Variants in CHD6 observed in about 807,000 individuals in gnomAD.
CHD6 encodes ATP-dependent chromatin remodeler CHD6.
A neutral mutation model predicts 276.9 loss-of-function variants in CHD6; 50 were observed. The observed-to-expected ratio is 0.18, with a 90% CI of 0.14 to 0.23. The LOEUF (loss-of-function observed/expected upper bound fraction) is 0.23. Ranked by LOEUF, CHD6 falls within the 10% of genes least tolerant of loss-of-function variation. The pLI, the probability that CHD6 is intolerant of heterozygous loss-of-function variation, is 1.00. For synonymous variants in CHD6, 1,173 were observed against 1,229.3 expected, an observed-to-expected ratio of 0.95 and a Z score of 0.96; for missense variants, 2,564 against 3,365.8, an observed-to-expected ratio of 0.76 and a Z score of 5.89.
intron 5 of CHD6, among the ~76,000 whole-genome samples, chr20:41,511,144 T>C (rs2044108287): frequency 6.6e-6 from 1 of 152,230 alleles, no homozygotes; most frequent in Non-Finnish European, 1.5e-5. Context: ...AGCGGAATTA[T>C]ATGAAAATGC....
chr20:41,430,948 C>T (rs187014997), intron 27 of CHD6, among the ~76,000 whole-genome samples: 306 of 151,494 alleles, frequency 2.0e-3, no homozygotes, highest in Non-Finnish European at 2.2e-3. Context: ...CAACCTCTGC[C>T]TCAGCCTCCT....
chr20:41,482,452 A>G (rs2043316486), intron 16 of CHD6: 3 of 411,910 alleles, frequency 7.3e-6, no homozygotes, highest in African/African-American at 2.1e-5. Flanking sequence ...TCCTCTTGCT[A>G]TAAAGTACAT....
intron 27 of CHD6, among the ~76,000 whole-genome samples, chr20:41,428,253 TGAA>T (rs755651797): frequency 1.3e-5 from 2 of 152,258 alleles, no homozygotes; most frequent in Non-Finnish European, 1.5e-5. Context: ...AATGACAGAA[TGAA>T]GAAGACCTAG....
At chr20:41,564,290 A>ATT in intron 1 of CHD6, 1 of 576,560 alleles carries the variant, frequency 1.7e-6, no homozygotes, top group Non-Finnish European at 3.1e-6. Flanking sequence ...AAGACACAAA[A>ATT]AACTCACAAC....
chr20:41,551,424 C>A (rs1244242830), intron 1 of CHD6, 64 bp from the exon 2 acceptor site: 9 of 707,624 alleles, frequency 1.3e-5, no homozygotes, highest in Non-Finnish European at 1.9e-5. Context: ...TTTTCAACAT[C>A]TCCAGATTAC....
chr20:41,530,476 C>T (rs2044656961), intron 3 of CHD6, among the ~76,000 whole-genome samples: 1 of 152,194 alleles, frequency 6.6e-6, no homozygotes, highest in Non-Finnish European at 1.5e-5. Context: ...CAAATCAAAA[C>T]ACGTACTTGA....
At chr20:41,412,105 C>CT in intron 36 of CHD6, 39 bp downstream of exon 36, 1 of 1,609,802 alleles carries the variant, frequency 6.2e-7, no homozygotes, top group Non-Finnish European at 8.5e-7. Context: ...AACCAGGATG[C>CT]TCCTCCTGGC....
chr20:41,405,453 C>T lies in CHD6; in HGVS notation c.7288G>A (p.Ala2430Thr). Residue 2430 changes from alanine (A) to threonine (T), a missense_variant, in exon 37 of 37, where the codon GCT (alanine) becomes ACT (threonine). Transcript: ENST00000373233. ...CCCGTATCTCGAAGAATAGGCTCAG[C>T]CAGAGTGTGATTGAACTTGTTTTCT... is the stretch of plus-strand genomic sequence containing the variant. ...LPENKFNHTL[A>T]EPILRDTGPR... The T allele has an allele frequency of 1.3e-6, 2 of 1,578,554 alleles. No individual in the cohort carries two copies. Among genetic ancestry groups the T allele is most frequent in the Admixed American group, 1.9e-5 (1 of 53,506 alleles).
At chr20:41,486,289 A>C (rs534468974) in intron 14 of CHD6, 1 of 152,306 alleles carries the variant, frequency 6.6e-6, no homozygotes, top group African/African-American at 2.4e-5. Context: ...TCAATACAAC[A>C]AACACAACTT....
rs1453707434 is a variant in CHD6 at position 41,447,893 on chromosome 20, T to G, written c.3762A>C (p.Gly1254=). 1 of 1,609,004 alleles carries G rather than the reference T, an allele frequency of 6.2e-7. No homozygotes were observed. Among genetic ancestry groups the G allele is most frequent in the Admixed American group, 1.7e-5 (1 of 59,326 alleles). ...LGEAAEKAFE[G]SPARELDVPL... ...TTCATTTGCTTTACCTGGCAGGAGA[T>G]CCTTCAAATGCTTTCTCAGCTGCTT... is the stretch of plus-strand genomic sequence containing the variant. Residue 1254 remains glycine, a synonymous_variant, in exon 24 of 37, where the codon GGA becomes GGC. Coordinates refer to ENST00000373233, the MANE Select transcript of CHD6 (RefSeq NM_032221.5).
intron 1 of CHD6, among the ~76,000 whole-genome samples, chr20:41,559,914 GCTC>G (rs2045283858): frequency 6.6e-6 from 1 of 151,754 alleles, no homozygotes; most frequent in South Asian, 2.1e-4. Context: ...CTCTCTACCT[GCTC>G]CTGTGTTCCC....
chr20:41,616,118 T>A (rs183333312), intron 1 of CHD6, among the ~76,000 whole-genome samples: 1 of 152,238 alleles, frequency 6.6e-6, no homozygotes, highest in African/African-American at 2.4e-5. Context: ...CTTCCAGAAA[T>A]GCAGCAGTTA....
At chr20:41,441,938 G>T (rs2047914437) in intron 25 of CHD6, among the ~76,000 whole-genome samples, 1 of 152,138 alleles carries the variant, frequency 6.6e-6, no homozygotes, top group African/African-American at 2.4e-5. Flanking sequence ...ACACATCCAG[G>T]CTACCTTGGA....
chr20:41,417,094 T>C (rs1409372823), intron 32 of CHD6, 104 bp downstream of exon 32: 3 of 1,072,798 alleles, frequency 2.8e-6, no homozygotes, highest in East Asian at 4.8e-5. Context: ...GTATTAAACA[T>C]TTCTGAGTTT....
intron 23 of CHD6, among the ~76,000 whole-genome samples, chr20:41,450,173 A>T (rs1466320134): frequency 1.3e-5 from 2 of 152,250 alleles, no homozygotes; most frequent in African/African-American, 4.8e-5. Flanking sequence ...ATCATTAAGA[A>T]GATGTTATAG....
intron 25 of CHD6, among the ~76,000 whole-genome samples, chr20:41,443,747 G>A (rs1022961494): frequency 6.6e-6 from 1 of 152,050 alleles, no homozygotes; most frequent in Non-Finnish European, 1.5e-5. Context: ...TTTCCTGGAG[G>A]GGCAGCCCTT....
chr20:41,606,164 T>A (rs2045825261), intron 1 of CHD6, among the ~76,000 whole-genome samples: 1 of 151,452 alleles, frequency 6.6e-6, no homozygotes. Context: ...AATCACGAGG[T>A]CAGGAGTTTG....
At chr20:41,437,175 A>G (rs2047736520) in intron 27 of CHD6, 99 bp downstream of exon 27, 4 of 857,372 alleles carry the variant, frequency 4.7e-6, no homozygotes, top group East Asian at 4.9e-5. Context: ...ATGTAACTGT[A>G]GTAATGCAAT....
intron 11 of CHD6, among the ~76,000 whole-genome samples, chr20:41,490,774 T>C (rs1001079325): frequency 8.6e-5 from 13 of 151,708 alleles, no homozygotes; most frequent in African/African-American, 1.2e-4. Flanking sequence ...GATCACACCA[T>C]TGCACTCCAG....
Sources: allele counts gnomAD v4.1 joint callset (sites outside exome capture counted in the v4.1 genomes callset), GRCh38; gene constraint gnomAD v4.1.1; transcripts MANE v1.5; gene names NCBI Gene and HGNC (gene_info 2026-07-23, HGNC 2026-07-21).